Variants in FANCC observed in about 807,000 individuals in gnomAD.
FANCC encodes FA complementation group C, also known as Fanconi anemia group C protein.
FANCC carries 55 observed loss-of-function variants against 71.3 expected under a neutral mutation model. The observed-to-expected ratio is 0.77, with a 90% CI of 0.62 to 0.97. The LOEUF is 0.97. FANCC is among the 50% of genes least tolerant of loss of function. The pLI, the probability that FANCC is intolerant of heterozygous loss-of-function variation, is 0.00. For missense variants in FANCC, 678 were observed against 670.9 expected (o/e 1.01, Z -0.12); for synonymous variants, 275 against 244.9 (o/e 1.12, Z -1.15).
At chr9:95,313,788 G>A (rs1242238028) in intron 1 of FANCC, among the ~76,000 whole-genome samples, 1 of 152,116 alleles carries the variant, frequency 6.6e-6, no homozygotes, top group Non-Finnish European at 1.5e-5. Flanking sequence ...TAGAATGCAA[G>A]GTTAGTATAA....
At chr9:95,185,894 T>C (rs1365693577) in intron 4 of FANCC, among the ~76,000 whole-genome samples, 1 of 152,212 alleles carries the variant, frequency 6.6e-6, no homozygotes. Flanking sequence ...AACCACACTT[T>C]GAGATGTATA....
intron 7 of FANCC, among the ~76,000 whole-genome samples, chr9:95,143,872 G>A (rs978392076): frequency 3.3e-5 from 5 of 152,188 alleles, no homozygotes; most frequent in Non-Finnish European, 7.3e-5. Context: ...TGACATTTAG[G>A]CCAAGAAATT....
At chr9:95,154,692 T>C (rs1237144799) in intron 6 of FANCC, among the ~76,000 whole-genome samples, 1 of 152,128 alleles carries the variant, frequency 6.6e-6, no homozygotes, top group Non-Finnish European at 1.5e-5. Flanking sequence ...ACACCCCACT[T>C]CTTGGGCGTG....
At chr9:95,198,757 CAG>C (rs560638825) in intron 4 of FANCC, among the ~76,000 whole-genome samples, 61 of 152,044 alleles carry the variant, frequency 4.0e-4, no homozygotes, top group Non-Finnish European at 7.8e-4. Context: ...GGAGGGGAGA[CAG>C]AGTCTTACTA....
At chr9:95,152,389 G>A (rs181378956) in intron 6 of FANCC, among the ~76,000 whole-genome samples, 2 of 152,168 alleles carry the variant, frequency 1.3e-5, no homozygotes, top group African/African-American at 4.8e-5. Flanking sequence ...AGCTCTGAAG[G>A]AAGTACATGA....
Position 95,207,232 on chromosome 9 carries a change from A to G in FANCC, c.345+33417T>C, listed in dbSNP as rs528846256. Among the ~76,000 whole-genome samples, 43 of 152,310 alleles carry G rather than the reference A, an allele frequency of 2.8e-4. 2 individuals carry two copies. In the South Asian group the frequency reaches 7.9e-3, roughly 28 times the overall value. ...ACATGAAGAGCTGGCCACAGCTTCT[A>G]TCACTAAAAAGGAAAGAAACCATAA... On this transcript the variant is annotated intron_variant, in intron 4 of 14. Coordinates refer to ENST00000289081, the MANE Select transcript of FANCC (RefSeq NM_000136.3).
At chr9:95,110,912 A>G (rs1225194552) in intron 13 of FANCC, 1 of 1,304,294 alleles carries the variant, frequency 7.7e-7, no homozygotes, top group Admixed American at 3.4e-5. Flanking sequence ...TCTGTTATTT[A>G]GGAAATGACC....
intron 4 of FANCC, among the ~76,000 whole-genome samples, chr9:95,189,347 T>C (rs1465682339): frequency 1.3e-5 from 2 of 152,168 alleles, no homozygotes; most frequent in Non-Finnish European, 2.9e-5. Context: ...AGTCTGTGAG[T>C]GGGAAGGAAG....
intron 4 of FANCC, among the ~76,000 whole-genome samples, chr9:95,191,783 A>T (rs1011577598): frequency 1.3e-5 from 2 of 151,990 alleles, no homozygotes. Flanking sequence ...CTCCATACGC[A>T]GCCCATCTGC....
intron 8 of FANCC, among the ~76,000 whole-genome samples, chr9:95,129,819 G>C (rs1446312472): frequency 6.6e-6 from 1 of 152,092 alleles, no homozygotes; most frequent in Non-Finnish European, 1.5e-5. Context: ...GGATGACTAG[G>C]GAGCGAAGAT....
chr9:95,272,221 A>C (rs1832782259), intron 1 of FANCC, among the ~76,000 whole-genome samples: 1 of 151,872 alleles, frequency 6.6e-6, no homozygotes, highest in African/African-American at 2.4e-5. Context: ...TACAGTCACA[A>C]GCCACCGCGC....
rs1227875294 is a variant in FANCC at position 95,294,323 on chromosome 9, A to G, written c.-79+23203T>C. ...AGTGAACTTAGCACCATGAACACTG[A>G]GCCAGTCTTGGAGTCACTGGACACA... On this transcript the variant is annotated intron_variant, in intron 1 of 14. Coordinates refer to ENST00000289081, the MANE Select transcript of FANCC (RefSeq NM_000136.3). 10 of 1,588,096 alleles carry G rather than the reference A, an allele frequency of 6.3e-6. No individual in the cohort carries two copies. The Admixed American group carries it at 1.3e-4, about 21-fold the overall frequency.
At chr9:95,249,787 T>A (rs867343160) in intron 1 of FANCC, among the ~76,000 whole-genome samples, 9 of 152,362 alleles carry the variant, frequency 5.9e-5, no homozygotes, top group Middle Eastern at 6.8e-3. Flanking sequence ...GAAGTTCTTA[T>A]GTTTTATATG....
At chr9:95,103,140 AGGACTGTCCCCCGCTCAG>A (rs2071189247) in intron 14 of FANCC, among the ~76,000 whole-genome samples, 1 of 151,944 alleles carries the variant, frequency 6.6e-6, no homozygotes, top group South Asian at 2.1e-4. Context: ...CCTGAGCGGG[AGGACTGTCCCCCGCTCAG>A]GGGCTGGCCA....
chr9:95,271,927 CTTTTTTTTTTTTTT>C (rs869093626), intron 1 of FANCC, among the ~76,000 whole-genome samples: 8 of 50,480 alleles, frequency 1.6e-4, no homozygotes, highest in Non-Finnish European at 2.5e-4. Context: ...CAAGCCTCTT[CTTTTTTTTTTTTTT>C]TTTTTTTTTT....
chr9:95,127,773 C>G (rs1453078913), intron 8 of FANCC, among the ~76,000 whole-genome samples: 1 of 152,222 alleles, frequency 6.6e-6, no homozygotes, highest in Non-Finnish European at 1.5e-5. Flanking sequence ...GAGGCAGGAC[C>G]GCGCCTCCTC....
At chr9:95,106,338 A>T (rs2071444734) in intron 14 of FANCC, among the ~76,000 whole-genome samples, 1 of 152,104 alleles carries the variant, frequency 6.6e-6, no homozygotes, top group Non-Finnish European at 1.5e-5. Context: ...GAGTTATAAG[A>T]ATTCCTTATG....
intron 10 of FANCC, chr9:95,123,671 A>C: frequency 1.5e-6 from 1 of 651,054 alleles, no homozygotes; most frequent in East Asian, 3.2e-5. Context: ...TGCAGCAGTC[A>C]GGGACATTTC....
At chr9:95,235,561 G>A (rs1405813617) in intron 4 of FANCC, among the ~76,000 whole-genome samples, 1 of 152,064 alleles carries the variant, frequency 6.6e-6, no homozygotes, top group Non-Finnish European at 1.5e-5. Context: ...AAGGCACAAA[G>A]TGGCCAGGCA....
Sources: gnomAD v4.1 joint callset for allele counts (sites outside exome capture counted in the v4.1 genomes callset) on GRCh38, gnomAD v4.1.1 for gene constraint, MANE v1.5 for transcripts, NCBI Gene and HGNC (gene_info 2026-07-23, HGNC 2026-07-21) for gene names.